Variants in TLNRD1 observed in about 807,000 individuals in gnomAD.
TLNRD1 encodes the protein talin rod domain containing 1.
In TLNRD1, 14 loss-of-function variants were observed where a neutral mutation model predicts 19.5. The observed-to-expected ratio is 0.72, with a 90% CI of 0.47 to 1.12. TLNRD1 has a LOEUF of 1.12. Ranked by LOEUF, TLNRD1 falls within the 50% of genes most tolerant of loss-of-function variation. TLNRD1 has a pLI of 0.00. For missense variants in TLNRD1, 569 were observed against 531.9 expected (o/e 1.07, Z -0.69); for synonymous variants, 345 against 261.7 (o/e 1.32, Z -3.07).
At position 81,002,746 on chromosome 15, in the gene TLNRD1, G is replaced by GAGGT. The variant is rs1356442646; in HGVS notation, c.476_479dup (p.Glu161GlyfsTer44). 6.5e-7 allele frequency: 1 copy of GAGGT among 1,537,034 alleles called. No homozygotes were observed. Among genetic ancestry groups the GAGGT allele is most frequent in the Admixed American group, 2.0e-5 (1 of 51,266 alleles). ...CTACCGCGTGACGCGATGCCGCCACGAGGTGGAGCAGGGTTGCGCCGTGCT... is the reference window on the plus strand; with the variant it reads ...CTACCGCGTGACGCGATGCCGCCACGAGGTAGGTGGAGCAGGGTTGCGCCGTGCT... On this transcript the variant is annotated frameshift_variant, in exon 1 of 1. Coordinates refer to ENST00000267984, the MANE Select transcript of TLNRD1 (RefSeq NM_022566.3). LOFTEE classifies it high-confidence loss of function.
Position 81,004,492 on chromosome 15 carries a change from A to G in TLNRD1, c.*1132A>G, listed in dbSNP as rs1893466979. 2 of 167,096 alleles carry G rather than the reference A, an allele frequency of 1.2e-5. No individual in the cohort carries two copies. The highest frequency in any genetic ancestry group is 1.3e-4 in the Admixed American group (2 of 15,286). 10.4% of individuals were successfully genotyped at this position (167,096 alleles called of 1,614,324 possible). ...TGTACATCAAGTGAGAATAGTTAGCATCTTTTATGTACACAGGTCTATTCA... is the reference window on the plus strand; with the variant it reads ...TGTACATCAAGTGAGAATAGTTAGCGTCTTTTATGTACACAGGTCTATTCA... On this transcript the variant is annotated 3_prime_UTR_variant, in exon 1 of 1. Transcript: ENST00000267984.
chr15:81,001,533 T>G lies in TLNRD1; in HGVS notation c.-739T>G, dbSNP rs1893408302. The G allele has an allele frequency of 6.6e-6, 1 of 151,546 alleles. No individual in the cohort carries two copies. Among genetic ancestry groups the G allele is most frequent in the Non-Finnish European group, 1.5e-5 (1 of 67,866 alleles). The allele number at this position is 151,546 out of a possible 1,614,324, so 9.4% of individuals were successfully genotyped here. Reference sequence around the variant, plus strand: ...CAATCAGTGCAGGCTCCCGCCCGACTCTGACTCGGCGCGGCCGCGACAGTG... The same window carrying G: ...CAATCAGTGCAGGCTCCCGCCCGACGCTGACTCGGCGCGGCCGCGACAGTG... On this transcript the variant is annotated 5_prime_UTR_variant, in exon 1 of 1. Transcript: ENST00000267984.
Position 81,003,314 on chromosome 15 carries a change from C to G in TLNRD1, c.1043C>G (p.Ser348Cys), listed in dbSNP as rs763503480. The change falls in exon 1 of 1, where the codon TCT becomes TGT. Residue 348 changes from serine (S) to cysteine (C), a missense_variant. By Grantham distance (112) the Ser-to-Cys change is moderately radical. Transcript: ENST00000267984. ...TLLSQALRERSSPRTLPPVNS... is the reference protein window; with the variant it reads ...TLLSQALRERCSPRTLPPVNS... ...CTATCTCAGGCTTTAAGGGAGAGGTCTTCGCCCAGGACTTTACCGCCAGTG... is the reference window on the plus strand; with the variant it reads ...CTATCTCAGGCTTTAAGGGAGAGGTGTTCGCCCAGGACTTTACCGCCAGTG... 3 of 1,610,228 alleles carry G rather than the reference C, an allele frequency of 1.9e-6. No individual in the cohort carries two copies. Among genetic ancestry groups the G allele is most frequent in the Non-Finnish European group, 2.5e-6 (3 of 1,177,852 alleles).
rs1247183171 is a variant in TLNRD1, at chr15:81,001,483, G to A, written c.-789G>A. 6.6e-6 allele frequency: 1 copy of A among 151,442 alleles called. No homozygotes were observed. The highest frequency in any genetic ancestry group is 1.5e-5 in the Non-Finnish European group (1 of 67,754). The allele number at this position is 151,442 out of a possible 1,614,324, so 9.4% of individuals were successfully genotyped here. A position where few individuals can be genotyped will look rare whatever the true frequency, so the allele number is the denominator to read the frequency against. Reference sequence around the variant, plus strand: ...GTGTGGCGGGCGGGCGAGAGCTTGAGCGCGATCCGGGCGGCCGCTGTGCGC... The same window carrying A: ...GTGTGGCGGGCGGGCGAGAGCTTGAACGCGATCCGGGCGGCCGCTGTGCGC... On this transcript the variant is annotated 5_prime_UTR_variant, in exon 1 of 1. Transcript: ENST00000267984.
rs1063866 is a variant in TLNRD1 at position 81,003,930 on chromosome 15, T to C, written c.*570T>C. On this transcript the variant is annotated 3_prime_UTR_variant, in exon 1 of 1. Transcript: ENST00000267984. Reference sequence around the variant, plus strand: ...TTTACACTATAGAGTGATTTTTTTTTCCCCCAACGTCAAGTTTTTACCTTG... The same window carrying C: ...TTTACACTATAGAGTGATTTTTTTTCCCCCCAACGTCAAGTTTTTACCTTG... The C allele has an allele frequency of 2.3e-4, 39 of 166,334 alleles. No homozygotes were observed. The highest frequency in any genetic ancestry group is 1.1e-3 in the Admixed American group (17 of 15,268). The allele number at this position is 166,334 out of a possible 1,614,324, so 10.3% of individuals were successfully genotyped here.
In TLNRD1 at chr15:81,003,218, G is replaced by T. The variant is rs757462237; in HGVS notation, c.947G>T (p.Gly316Val). Residue 316 changes from glycine to valine, a missense_variant, in exon 1 of 1, where the codon GGC becomes GTC. Physicochemically the swap from Gly to Val is moderately radical, Grantham distance 109 (BLOSUM62 -3). Transcript: ENST00000267984. ...GATCTGGCGCAGCACCCCGACGGGGGCGCCAAGATGTCGGACCACAGGGAG... is the reference window on the plus strand; with the variant it reads ...GATCTGGCGCAGCACCCCGACGGGGTCGCCAAGATGTCGGACCACAGGGAG... The part of the protein sequence containing the change: ...LRDLAQHPDG[G>V]AKMSDHRERL... 1 of 1,602,240 alleles carries T rather than the reference G, an allele frequency of 6.2e-7. No individual in the cohort carries two copies. Among genetic ancestry groups the T allele is most frequent in the Admixed American group, 1.7e-5 (1 of 58,442 alleles).
Position 81,003,305 on chromosome 15 carries a change from G to C in TLNRD1, c.1034G>C (p.Arg345Thr). Residue 345 changes from arginine (R) to threonine (T), a missense_variant, in exon 1 of 1, where the codon AGG becomes ACG. Arg to Thr is a moderately conservative substitution (Grantham distance 71, BLOSUM62 -1). Coordinates refer to ENST00000267984, the MANE Select transcript of TLNRD1 (RefSeq NM_022566.3). ...TGCACCCTGCTATCTCAGGCTTTAA[G>C]GGAGAGGTCTTCGCCCAGGACTTTA... Reference protein sequence around the residue: ...EGCTLLSQALRERSSPRTLPP... With the variant: ...EGCTLLSQALTERSSPRTLPP... 2.5e-6 allele frequency: 4 copies of C among 1,611,388 alleles called. No individual in the cohort carries two copies. The highest frequency in any genetic ancestry group is 3.4e-6 in the Non-Finnish European group (4 of 1,178,798).
rs1412628212 is a variant in TLNRD1 at position 81,005,608 on chromosome 15, TAAAA to T, written c.*2253_*2256del. On this transcript the variant is annotated 3_prime_UTR_variant, in exon 1 of 1. Coordinates refer to ENST00000267984, the MANE Select transcript of TLNRD1 (RefSeq NM_022566.3). ...GATTTTCAGGACAACTCAAGCCAAT[TAAAA>T]AAAAGAAAATCACTTTCCCTATCTG... 1.2e-5 allele frequency: 2 copies of T among 166,696 alleles called. No individual in the cohort carries two copies. Among genetic ancestry groups the T allele is most frequent in the Non-Finnish European group, 2.9e-5 (2 of 68,068 alleles). The allele number at this position is 166,696 out of a possible 1,614,324, so 10.3% of individuals were successfully genotyped here. A position where few individuals can be genotyped will look rare whatever the true frequency, so the allele number is the denominator to read the frequency against.
In TLNRD1 at chr15:81,003,156, G is replaced by GGT; in HGVS notation, c.888_889dup (p.Ser297CysfsTer7). 1 of 1,570,912 alleles carries GGT rather than the reference G, an allele frequency of 6.4e-7. No individual in the cohort carries two copies. The highest frequency in any genetic ancestry group is 1.8e-5 in the Admixed American group (1 of 54,066). On this transcript the variant is annotated frameshift_variant, in exon 1 of 1. Transcript: ENST00000267984. LOFTEE classifies it high-confidence loss of function. ...CCATCCTGGGCGGCGCCATGAGCGT[G>GGT]GTGTCGGCCTGCGTGCTCCTGACCC...
rs963466136 is a variant in TLNRD1 at position 81,004,001 on chromosome 15, C to T, written c.*641C>T. The T allele has an allele frequency of 6.0e-6, 1 of 166,760 alleles. No homozygotes were observed. Among genetic ancestry groups the T allele is most frequent in the Non-Finnish European group, 1.5e-5 (1 of 68,096 alleles). The allele number at this position is 166,760 out of a possible 1,614,324, so 10.3% of individuals were successfully genotyped here. ...TCATCTATTAAAATGTTATGTTTCT[C>T]AGATGGCTTTTTGCAATTATTGTTG... On this transcript the variant is annotated 3_prime_UTR_variant, in exon 1 of 1. Coordinates refer to ENST00000267984, the MANE Select transcript of TLNRD1 (RefSeq NM_022566.3).
At position 81,002,215 on chromosome 15, in the gene TLNRD1, G is replaced by A; in HGVS notation, c.-57G>A. The A allele has an allele frequency of 4.9e-6, 6 of 1,218,046 alleles. No individual in the cohort carries two copies. The highest frequency in any genetic ancestry group is 6.1e-6 in the Non-Finnish European group (6 of 979,596). The allele number at this position is 1,218,046 out of a possible 1,614,324, so 75.5% of individuals were successfully genotyped here. ...GGCCGCCGGGGCGGCGGCAGTGGCC[G>A]CGGCAGCGGCGGTGGTAGCGGGCTC... On this transcript the variant is annotated 5_prime_UTR_variant, in exon 1 of 1. Coordinates refer to ENST00000267984, the MANE Select transcript of TLNRD1 (RefSeq NM_022566.3).
Position 81,002,890 on chromosome 15 carries a change from G to A in TLNRD1, c.619G>A (p.Asp207Asn). The A allele has an allele frequency of 6.3e-7, 1 of 1,597,318 alleles. No homozygotes were observed. Among genetic ancestry groups the A allele is most frequent in the East Asian group, 2.2e-5 (1 of 44,820 alleles). ...CGCCCTGGCCAGTGACAAGTCACGG[G>A]ACCGCTTTTCGCGGGAGCAGTTCAA... ...ACALASDKSR[D>N]RFSREQFKLG... The change falls in exon 1 of 1, where the codon GAC becomes AAC. Residue 207 changes from aspartate to asparagine, a missense_variant. Coordinates refer to ENST00000267984, the MANE Select transcript of TLNRD1 (RefSeq NM_022566.3).
Position 81,002,697 on chromosome 15 carries a change from C to G in TLNRD1, c.426C>G (p.Pro142=). The change falls in exon 1 of 1, where the codon CCC becomes CCG. Residue 142 remains proline (P), a synonymous_variant. Coordinates refer to ENST00000267984, the MANE Select transcript of TLNRD1 (RefSeq NM_022566.3). The part of the protein sequence containing the change: ...LAAVATPGAQ[P]AQPGLVDRYR... ...CTGTGGCCACGCCGGGCGCCCAGCC[C>G]GCGCAGCCGGGCCTGGTGGACCGCT... 1 of 1,493,162 alleles carries G rather than the reference C, an allele frequency of 6.7e-7. No individual in the cohort carries two copies. The highest frequency in any genetic ancestry group is 8.8e-7 in the Non-Finnish European group (1 of 1,130,956). The allele number at this position is 1,493,162 out of a possible 1,614,324, so 92.5% of individuals were successfully genotyped here.
chr15:81,003,237 CA>C lies in TLNRD1; in HGVS notation c.967del (p.Arg323GlyfsTer4). 1 of 1,606,948 alleles carries C rather than the reference CA, an allele frequency of 6.2e-7. No individual in the cohort carries two copies. Among genetic ancestry groups the C allele is most frequent in the South Asian group, 1.1e-5 (1 of 89,622 alleles). ...ACGGGGGCGCCAAGATGTCGGACCACAGGGAGAGGCTGAGGAACTCGGCCTG... is the reference window on the plus strand; with the variant it reads ...ACGGGGGCGCCAAGATGTCGGACCACGGGAGAGGCTGAGGAACTCGGCCTG... ...PDGGAKMSDH[R>X]ERLRNSACAV... On this transcript the variant is annotated frameshift_variant, in exon 1 of 1. Transcript: ENST00000267984. LOFTEE classifies it high-confidence loss of function.
At position 81,001,958 on chromosome 15, in the gene TLNRD1, C is replaced by T. The variant is rs998181093; in HGVS notation, c.-314C>T. The T allele has an allele frequency of 2.9e-5, 6 of 204,484 alleles. No homozygotes were observed. The highest frequency in any genetic ancestry group is 6.0e-5 in the Admixed American group (1 of 16,756). 12.7% of individuals were successfully genotyped at this position (204,484 alleles called of 1,614,324 possible). On this transcript the variant is annotated 5_prime_UTR_variant, in exon 1 of 1. Coordinates refer to ENST00000267984, the MANE Select transcript of TLNRD1 (RefSeq NM_022566.3). Reference sequence around the variant, plus strand: ...TTCCTGGCAGCCCGGCGACGAGGAGCGCGGACAGTGAGTTTGCTCTGCCCC... The same window carrying T: ...TTCCTGGCAGCCCGGCGACGAGGAGTGCGGACAGTGAGTTTGCTCTGCCCC...
In TLNRD1 at chr15:81,001,000, G is replaced by T. The variant is rs999481018; in HGVS notation, c.-1272G>T. 1 of 156,240 alleles carries T rather than the reference G, an allele frequency of 6.4e-6. No homozygotes were observed. Among genetic ancestry groups the T allele is most frequent in the South Asian group, 1.8e-4 (1 of 5,642 alleles). 9.7% of individuals were successfully genotyped at this position (156,240 alleles called of 1,614,324 possible). ...GAGCCCGGGGGCGAGGCGCGGACGG[G>T]AACAGGAAAAGCCTCCGGCAGCCCC... On this transcript the variant is annotated 5_prime_UTR_variant, in exon 1 of 1. Coordinates refer to ENST00000267984, the MANE Select transcript of TLNRD1 (RefSeq NM_022566.3).
At position 81,002,431 on chromosome 15, in the gene TLNRD1, T is replaced by A; in HGVS notation, c.160T>A (p.Ser54Thr). ...MQLVADLLLL[S>T]SEARPVLFEG... ...GCTGGTGGCTGACCTGCTGCTGCTG[T>A]CGAGCGAGGCGCGGCCCGTGCTCTT... The change falls in exon 1 of 1, where the codon TCG (serine) becomes ACG (threonine). Residue 54 changes from serine (S) to threonine (T), a missense_variant. Physicochemically the swap from Ser to Thr is moderately conservative, Grantham distance 58. Coordinates refer to ENST00000267984, the MANE Select transcript of TLNRD1 (RefSeq NM_022566.3). 1 of 1,555,320 alleles carries A rather than the reference T, an allele frequency of 6.4e-7. No homozygotes were observed. The highest frequency in any genetic ancestry group is 8.6e-7 in the Non-Finnish European group (1 of 1,157,776).
In TLNRD1 at chr15:81,002,337, C is replaced by T; in HGVS notation, c.66C>T (p.Ile22=). The change falls in exon 1 of 1, where the codon ATC becomes ATT. Residue 22 remains isoleucine (I), a synonymous_variant. Coordinates refer to ENST00000267984, the MANE Select transcript of TLNRD1 (RefSeq NM_022566.3). ...EAASPAPASA[I]GGASSQPRKR... is the part of the protein sequence containing the mutation. ...CTTCTCCGGCTCCTGCGAGCGCCATCGGCGGGGCCAGCTCGCAGCCGCGGA... is the reference window on the plus strand; with the variant it reads ...CTTCTCCGGCTCCTGCGAGCGCCATTGGCGGGGCCAGCTCGCAGCCGCGGA... 2.2e-6 allele frequency: 3 copies of T among 1,384,714 alleles called. No homozygotes were observed. Among genetic ancestry groups the T allele is most frequent in the East Asian group, 6.1e-5 (2 of 33,022 alleles). 85.8% of individuals were successfully genotyped at this position (1,384,714 alleles called of 1,614,324 possible).
rs1158995444 is a variant in TLNRD1 at position 81,002,714 on chromosome 15, T to G, written c.443T>G (p.Val148Gly). The G allele has an allele frequency of 6.6e-7, 1 of 1,525,752 alleles. No homozygotes were observed. 94.5% of individuals were successfully genotyped at this position (1,525,752 alleles called of 1,614,324 possible). The stretch of plus-strand genomic sequence containing the variant: ...GCCCAGCCCGCGCAGCCGGGCCTGG[T>G]GGACCGCTACCGCGTGACGCGATGC... ...PGAQPAQPGL[V>G]DRYRVTRCRH... Residue 148 changes from valine (V) to glycine (G), a missense_variant, in exon 1 of 1, where the codon GTG becomes GGG. Coordinates refer to ENST00000267984, the MANE Select transcript of TLNRD1 (RefSeq NM_022566.3).
Sources: allele counts gnomAD v4.1 joint callset, GRCh38; gene constraint gnomAD v4.1.1; transcripts MANE v1.5; gene names NCBI Gene and HGNC (gene_info 2026-07-23, HGNC 2026-07-21).